The following BABAM2 variants were observed in gnomAD, a reference collection of about 807,000 sequenced individuals.
The protein encoded by BABAM2 is BRISC and BRCA1 A complex member 2.
In BABAM2, 31 loss-of-function variants were observed where a neutral mutation model predicts 54.7. The ratio of observed to expected loss-of-function variants is 0.57; its 90% CI spans 0.43 to 0.77. The LOEUF (loss-of-function observed/expected upper bound fraction) is 0.77. Among genes scored for constraint, BABAM2 ranks in the 30% least tolerant of loss-of-function variants. The pLI, the probability that BABAM2 is intolerant of heterozygous loss-of-function variation, is 0.00. For missense variants in BABAM2, 364 were observed against 455.8 expected, an observed-to-expected ratio of 0.80 and a Z score of 1.83; for synonymous variants, 167 against 162.9, an observed-to-expected ratio of 1.03 and a Z score of -0.19.
At chr2:28,043,148 A>G (rs1158526985) in intron 5 of BABAM2, among the ~76,000 whole-genome samples, 2 of 142,808 alleles carry the variant, frequency 1.4e-5, no homozygotes, top group Non-Finnish European at 1.5e-5. Context: ...TTTTTTTTTT[A>G]GACGGAGTCT....
chr2:28,301,139 A>G (rs573313961), intron 11 of BABAM2, among the ~76,000 whole-genome samples: 16 of 152,342 alleles, frequency 1.1e-4, no homozygotes, highest in African/African-American at 3.8e-4. Context: ...GTACGTACAC[A>G]GTGCGTAAAA....
At chr2:28,127,434 C>G (rs1669651914) in intron 6 of BABAM2, among the ~76,000 whole-genome samples, 1 of 151,912 alleles carries the variant, frequency 6.6e-6, no homozygotes, top group South Asian at 2.1e-4. Context: ...TCGTTGTGGG[C>G]TAAGGGTAAG....
intron 7 of BABAM2, among the ~76,000 whole-genome samples, chr2:28,190,122 T>C (rs1306001130): frequency 2.0e-5 from 3 of 152,190 alleles, no homozygotes; most frequent in East Asian, 1.9e-4. Flanking sequence ...CCTTACCCCA[T>C]AGCATGTACA....
chr2:28,299,848 A>G (rs1166978945), intron 11 of BABAM2, among the ~76,000 whole-genome samples: 1 of 152,122 alleles, frequency 6.6e-6, no homozygotes, highest in African/African-American at 2.4e-5. Flanking sequence ...GAGAGACCCC[A>G]TTCCCTTCCA....
rs1259201912 is a variant in BABAM2, at chr2:28,241,303, G to A, written c.781-20G>A. The A allele has an allele frequency of 1.9e-6, 3 of 1,608,862 alleles. No homozygotes were observed. In the South Asian group the frequency reaches 3.3e-5, roughly 18 times the overall value. ...TAAAAGATTCCCACTCTACTTCTCA[G>A]CTTTGGGTTTCTATTCCAGGTGCAG... On this transcript the variant is annotated intron_variant, in intron 8 of 11. Coordinates refer to ENST00000379624, the MANE Select transcript of BABAM2 (RefSeq NM_199191.3).
At chr2:28,217,663 G>A (rs1319593412) in intron 7 of BABAM2, among the ~76,000 whole-genome samples, 1 of 152,100 alleles carries the variant, frequency 6.6e-6, no homozygotes, top group Non-Finnish European at 1.5e-5. Flanking sequence ...TCACACTTCA[G>A]CTTAATTTTT....
In BABAM2 at chr2:27,995,705, G is replaced by A. The variant is rs1207246778; in HGVS notation, c.300+7618G>A. Among the ~76,000 whole-genome samples, 2 of 151,820 alleles carry A rather than the reference G, an allele frequency of 1.3e-5. No individual in the cohort carries two copies. Among genetic ancestry groups the A allele is most frequent in the Non-Finnish European group, 2.9e-5 (2 of 67,954 alleles). On this transcript the variant is annotated intron_variant, in intron 4 of 11. Transcript: ENST00000379624. This position sits in a 1 kb window ranked among gnomAD's most constrained non-coding sequence, Gnocchi z 4.1. ...CGCCATTCTCCTGCCTCAGCCTCCC[G>A]AGTAGCTGGGACTACAGGCGCCCGC...
chr2:28,074,782 G>A (rs1251393545), intron 6 of BABAM2, among the ~76,000 whole-genome samples: 2 of 152,082 alleles, frequency 1.3e-5, no homozygotes, highest in Non-Finnish European at 2.9e-5. Flanking sequence ...CCAGTGGAGG[G>A]TGCCTGTTCA....
intron 3 of BABAM2, among the ~76,000 whole-genome samples, chr2:27,987,296 G>C (rs1672463857): frequency 6.6e-6 from 1 of 152,180 alleles, no homozygotes; most frequent in Non-Finnish European, 1.5e-5. Context: ...ACAAAAGTAT[G>C]TATGTTTAAT....
chr2:28,008,088 TACTGTTCCTGTC>T, intron 4 of BABAM2, among the ~76,000 whole-genome samples: 1 of 152,300 alleles, frequency 6.6e-6, no homozygotes. Flanking sequence ...ATGAATAAAA[TACTGTTCCTGTC>T]CTCCCATAGT....
chr2:28,096,515 C>A (rs1650266247), intron 6 of BABAM2, among the ~76,000 whole-genome samples: 1 of 152,022 alleles, frequency 6.6e-6, no homozygotes, highest in African/African-American at 2.4e-5. Flanking sequence ...GGGGTTGAAG[C>A]AAATAATTAC....
chr2:27,919,720 G>T (rs763948938), intron 2 of BABAM2, among the ~76,000 whole-genome samples: 1 of 152,064 alleles, frequency 6.6e-6, no homozygotes. Context: ...ATTTTTTCCC[G>T]ATCCTAGTTA....
chr2:28,026,739 A>G (rs1016699696), intron 5 of BABAM2, among the ~76,000 whole-genome samples: 1 of 90,648 alleles, frequency 1.1e-5, no homozygotes, highest in Non-Finnish European at 2.3e-5. Flanking sequence ...ATATAAATAT[A>G]TATTTATATA....
At chr2:28,053,586 G>T (rs1221949947) in intron 6 of BABAM2, among the ~76,000 whole-genome samples, 1 of 152,168 alleles carries the variant, frequency 6.6e-6, no homozygotes, top group Non-Finnish European at 1.5e-5. Flanking sequence ...AAAGCAGTGA[G>T]ATGGTCTGAA....
chr2:28,078,970 A>G (rs922503889), intron 6 of BABAM2, among the ~76,000 whole-genome samples: 8 of 152,196 alleles, frequency 5.3e-5, no homozygotes, highest in African/African-American at 1.7e-4. Flanking sequence ...ATTTACAGTT[A>G]ATCATATTTC....
At chr2:27,952,634 A>G (rs1326858028) in intron 3 of BABAM2, among the ~76,000 whole-genome samples, 1 of 152,170 alleles carries the variant, frequency 6.6e-6, no homozygotes, top group Non-Finnish European at 1.5e-5. Flanking sequence ...TCTCTGGGAT[A>G]TTTGAGACAG....
chr2:28,020,028 A>C (rs1017012153), intron 4 of BABAM2, among the ~76,000 whole-genome samples: 1 of 152,228 alleles, frequency 6.6e-6, no homozygotes, highest in African/African-American at 2.4e-5. Context: ...AACTGCTTCA[A>C]CTGTGACCAC....
chr2:28,235,055 TTAGG>T (rs1206111259), intron 7 of BABAM2, among the ~76,000 whole-genome samples: 1 of 152,244 alleles, frequency 6.6e-6, no homozygotes, highest in Non-Finnish European at 1.5e-5. Context: ...AGTTGTGCTT[TTAGG>T]TAACATCTGA....
intron 4 of BABAM2, among the ~76,000 whole-genome samples, chr2:27,991,813 G>A (rs962760712): frequency 2.0e-5 from 3 of 152,100 alleles, no homozygotes; most frequent in Non-Finnish European, 2.9e-5. Context: ...GGTTGTTGCC[G>A]TATTTTAGCT....
Sources: allele counts gnomAD v4.1 joint callset (sites outside exome capture counted in the v4.1 genomes callset), GRCh38; gene constraint gnomAD v4.1.1; non-coding constraint Gnocchi (gnomAD v3.1); transcripts MANE v1.5; gene names NCBI Gene and HGNC (gene_info 2026-07-23, HGNC 2026-07-21).